Variants in TSHZ2 observed in about 807,000 individuals in gnomAD.
TSHZ2 encodes teashirt homolog 2.
In TSHZ2, 21 loss-of-function variants were observed where a neutral mutation model predicts 74.4. The observed-to-expected ratio is 0.28, with a 90% confidence interval of 0.20 to 0.41. TSHZ2 has a LOEUF of 0.41. TSHZ2 is among the 10% of genes least tolerant of loss of function. The pLI is 1.00. For missense variants in TSHZ2, 1,244 were observed against 1,293.5 expected (o/e 0.96, Z 0.59); for synonymous variants, 540 against 515.3 (o/e 1.05, Z -0.65).
At chr20:53,164,222 A>C (rs1219113787) in intron 1 of TSHZ2, among the ~76,000 whole-genome samples, 6 of 152,166 alleles carry the variant, frequency 3.9e-5, no homozygotes, top group African/African-American at 1.4e-4. Flanking sequence ...AAGGGTAAGA[A>C]TATTTGTATT....
intron 1 of TSHZ2, among the ~76,000 whole-genome samples, chr20:53,187,141 C>T (rs1255503139): frequency 3.9e-5 from 6 of 152,128 alleles, no homozygotes; most frequent in Admixed American, 2.0e-4. Flanking sequence ...ATTTGACACT[C>T]GCCGCACGTC....
chr20:53,433,461 A>T (rs1181145923), intron 2 of TSHZ2, among the ~76,000 whole-genome samples: 1 of 152,014 alleles, frequency 6.6e-6, no homozygotes, highest in African/African-American at 2.4e-5. Context: ...GGATCGCTTG[A>T]GCCTAGGAGT....
chr20:52,986,455 C>A lies in TSHZ2; in HGVS notation c.40+13122C>A, dbSNP rs112670302. Among the ~76,000 whole-genome samples, 320 of 149,176 alleles carry A rather than the reference C, an allele frequency of 2.1e-3. 2 individuals are homozygous for A. Among genetic ancestry groups the A allele is most frequent in the Middle Eastern group, 0.011 (3 of 280 alleles). The stretch of plus-strand genomic sequence containing the variant: ...ATGAAATAATAATCTCAGGGCAGGG[C>A]ATGGTGGCTCACGCCTGTAATCCTA... On this transcript the variant is annotated intron_variant, in intron 1 of 2. Coordinates refer to ENST00000371497, the MANE Select transcript of TSHZ2 (RefSeq NM_173485.6).
chr20:53,173,752 G>A (rs531459317), intron 1 of TSHZ2, among the ~76,000 whole-genome samples: 1 of 152,276 alleles, frequency 6.6e-6, no homozygotes, highest in African/African-American at 2.4e-5. Context: ...AGGTAGGTAG[G>A]TAGAAAGTAT....
At chr20:53,272,288 G>C (rs1990856526) in intron 2 of TSHZ2, among the ~76,000 whole-genome samples, 1 of 152,096 alleles carries the variant, frequency 6.6e-6, no homozygotes, top group Non-Finnish European at 1.5e-5. Flanking sequence ...AGGATTACAG[G>C]CATGAACCAC....
At chr20:53,210,611 G>A (rs1989280621) in intron 1 of TSHZ2, among the ~76,000 whole-genome samples, 1 of 151,834 alleles carries the variant, frequency 6.6e-6, no homozygotes. Flanking sequence ...CCTGGGGTTT[G>A]GGGTTTATAC....
chr20:53,069,092 C>T (rs1055822136), intron 1 of TSHZ2, among the ~76,000 whole-genome samples: 29 of 152,238 alleles, frequency 1.9e-4, no homozygotes, highest in Non-Finnish European at 3.1e-4. Context: ...ACTGCACAAA[C>T]GAGAAGAGCC....
chr20:53,130,852 C>T lies in TSHZ2; in HGVS notation c.41-122647C>T, dbSNP rs370700833. Reference sequence around the variant, plus strand: ...CATCAAGCAACCAGACACCCAAGTTCCAATCCCAGCTCAGCAATTTCTAAG... The same window carrying T: ...CATCAAGCAACCAGACACCCAAGTTTCAATCCCAGCTCAGCAATTTCTAAG... On this transcript the variant is annotated intron_variant, in intron 1 of 2. Coordinates refer to ENST00000371497, the MANE Select transcript of TSHZ2 (RefSeq NM_173485.6). 9.2e-5 allele frequency among the ~76,000 whole-genome samples: 14 copies of T among 152,284 alleles called. No individual in the cohort carries two copies. In the South Asian group the frequency reaches 2.9e-3, roughly 32 times the overall value.
intron 1 of TSHZ2, among the ~76,000 whole-genome samples, chr20:53,132,629 C>T (rs564382587): frequency 6.6e-6 from 1 of 152,164 alleles, no homozygotes; most frequent in South Asian, 2.1e-4. Context: ...CTTAGAAAAC[C>T]ACAAAGGTCC....
chr20:53,230,928 C>T (rs988808595), intron 1 of TSHZ2, among the ~76,000 whole-genome samples: 1 of 151,990 alleles, frequency 6.6e-6, no homozygotes, highest in African/African-American at 2.4e-5. Context: ...TTCCTAAAAA[C>T]AGCCCTGAAG....
intron 2 of TSHZ2, among the ~76,000 whole-genome samples, chr20:53,434,719 T>C (rs1229300603): frequency 6.6e-6 from 1 of 152,224 alleles, no homozygotes; most frequent in Non-Finnish European, 1.5e-5. Flanking sequence ...ACCATTAGAC[T>C]CTGCGTAGAT....
At position 53,019,248 on chromosome 20, in the gene TSHZ2, GTTT is replaced by G. The variant is rs11476165; in HGVS notation, c.40+45926_40+45928del. Among the ~76,000 whole-genome samples the G allele has an allele frequency of 6.2e-4, 92 of 148,262 alleles. 1 individual carries two copies. Among genetic ancestry groups the G allele is most frequent in the Middle Eastern group, 3.5e-3 (1 of 284 alleles). ...AAATAGACAAGTGTTAGTTGCCTGG[GTTT>G]TTTTTTTTTTCTTTTAAAGGAGACT... is the stretch of plus-strand genomic sequence containing the variant. On this transcript the variant is annotated intron_variant, in intron 1 of 2. Transcript: ENST00000371497.
intron 1 of TSHZ2, among the ~76,000 whole-genome samples, chr20:53,069,439 T>C (rs149191325): frequency 2.9e-3 from 440 of 152,256 alleles, no homozygotes; most frequent in Non-Finnish European, 4.5e-3. Context: ...TATCCTATTA[T>C]CTTCCTTCCT....
intron 2 of TSHZ2, among the ~76,000 whole-genome samples, chr20:53,353,118 A>G (rs764300378): frequency 3.3e-5 from 5 of 152,208 alleles, no homozygotes; most frequent in Admixed American, 6.5e-5. Flanking sequence ...ATTAAAAATC[A>G]TCTATAGTCT....
intron 2 of TSHZ2, among the ~76,000 whole-genome samples, chr20:53,308,666 C>T (rs1325968815): frequency 2.0e-5 from 3 of 152,150 alleles, no homozygotes; most frequent in Non-Finnish European, 4.4e-5. Context: ...TTTATTGTGT[C>T]AGCATCCCCA....
At chr20:52,996,941 A>G (rs1263358568) in intron 1 of TSHZ2, among the ~76,000 whole-genome samples, 2 of 152,194 alleles carry the variant, frequency 1.3e-5, no homozygotes, top group Non-Finnish European at 2.9e-5. Flanking sequence ...AAAGGTAATT[A>G]TGCTTAATAG....
intron 1 of TSHZ2, among the ~76,000 whole-genome samples, chr20:53,169,075 G>A (rs959744066): frequency 2.0e-5 from 3 of 152,174 alleles, no homozygotes; most frequent in African/African-American, 4.8e-5. Flanking sequence ...CAATTTGAGA[G>A]GTCTGAATGA....
chr20:53,012,391 T>G (rs760816823), intron 1 of TSHZ2, among the ~76,000 whole-genome samples: 1 of 151,964 alleles, frequency 6.6e-6, no homozygotes, highest in Non-Finnish European at 1.5e-5. Context: ...AGAGCAGGAG[T>G]ATCAGCATCG....
intron 1 of TSHZ2, among the ~76,000 whole-genome samples, chr20:53,245,952 A>G (rs909721442): frequency 6.6e-6 from 1 of 151,982 alleles, no homozygotes; most frequent in African/African-American, 2.4e-5. Context: ...TTTTGTCCAC[A>G]CAGTTGGGCC....
Sources: gnomAD v4.1 joint callset for allele counts (sites outside exome capture counted in the v4.1 genomes callset) on GRCh38, gnomAD v4.1.1 for gene constraint, MANE v1.5 for transcripts, NCBI Gene and HGNC (gene_info 2026-07-23, HGNC 2026-07-21) for gene names.